CRADD: variants seen among roughly 807,000 people sequenced by gnomAD.
CRADD encodes CARD and death domain containing adaptor protein.
In CRADD, 9 loss-of-function variants were observed where a neutral mutation model predicts 15.5. That is an observed-to-expected ratio of 0.58 (90% CI 0.35 to 1.01). The LOEUF is 1.01. Ranked by LOEUF, CRADD falls within the 50% of genes least tolerant of loss-of-function variation. The pLI, the probability that CRADD is intolerant of heterozygous loss-of-function variation, is 0.02. For missense variants in CRADD, 227 were observed against 250.3 expected, an observed-to-expected ratio of 0.91 and a Z score of 0.63; for synonymous variants, 118 against 107.6, an observed-to-expected ratio of 1.10 and a Z score of -0.60.
downstream of CRADD, among the ~76,000 whole-genome samples, chr12:93,851,996 G>C (rs1320193744): frequency 1.3e-5 from 2 of 152,118 alleles, no homozygotes; most frequent in African/African-American, 4.8e-5. Flanking sequence ...AGTGAATTCG[G>C]TTCAAAAGGA....
At chr12:93,720,788 T>G (rs1194114100) in intron 2 of CRADD, among the ~76,000 whole-genome samples, 1 of 152,256 alleles carries the variant, frequency 6.6e-6, no homozygotes. Context: ...CATTTAAATC[T>G]ACATATGTCT....
intron 2 of CRADD, among the ~76,000 whole-genome samples, chr12:93,886,162 C>CTTTTTTTTTTTTTTTTTTTTT (rs761719331): frequency 8.1e-6 from 1 of 123,948 alleles, no homozygotes. Flanking sequence ...GCTGCTGATG[C>CTTTTTTTTTTTTTTTTTTTTT]TTTTTTTTTT....
At chr12:93,747,445 T>G (rs1456640092) in intron 2 of CRADD, among the ~76,000 whole-genome samples, 1 of 151,954 alleles carries the variant, frequency 6.6e-6, no homozygotes. Context: ...CTTTTTTTCC[T>G]TCCTCTTAAT....
At chr12:93,737,837 G>C (rs1257247745) in intron 2 of CRADD, 1 of 161,294 alleles carries the variant, frequency 6.2e-6, no homozygotes, top group Non-Finnish European at 1.3e-5. Context: ...AACCAGAGCA[G>C]GACTGCTGTG....
At chr12:93,842,657 G>T (rs188599512) in intron 2 of CRADD, among the ~76,000 whole-genome samples, 1 of 152,256 alleles carries the variant, frequency 6.6e-6, no homozygotes, top group Non-Finnish European at 1.5e-5. Context: ...GATTAGAGAG[G>T]AGATTTTTAG....
chr12:93,838,959 GA>G (rs1958016423), intron 2 of CRADD, among the ~76,000 whole-genome samples: 1 of 151,144 alleles, frequency 6.6e-6, no homozygotes, highest in Admixed American at 6.6e-5. Flanking sequence ...TTTTTGTAGA[GA>G]TGGAGTTTTG....
chr12:93,862,858 G>A (rs1958329009), intron 2 of CRADD, among the ~76,000 whole-genome samples: 1 of 152,164 alleles, frequency 6.6e-6, no homozygotes, highest in Non-Finnish European at 1.5e-5. Context: ...CTCAACCTTG[G>A]GGTGTAATGG....
At chr12:93,875,875 G>A (rs1958455152) in intron 2 of CRADD, among the ~76,000 whole-genome samples, 1 of 152,128 alleles carries the variant, frequency 6.6e-6, no homozygotes, top group Non-Finnish European at 1.5e-5. Context: ...AAAATAGTCT[G>A]TGTTTTTCTG....
intron 2 of CRADD, among the ~76,000 whole-genome samples, chr12:93,864,710 C>T (rs1958349358): frequency 6.6e-6 from 1 of 152,156 alleles, no homozygotes. Flanking sequence ...TAACGAAGGT[C>T]TCAGTGAATG....
At chr12:93,733,736 C>G (rs1345482949) in intron 2 of CRADD, 1 of 151,634 alleles carries the variant, frequency 6.6e-6, no homozygotes, top group Non-Finnish European at 1.5e-5. Context: ...ATTCATCCAT[C>G]CTTTGTTTTT....
intron 2 of CRADD, among the ~76,000 whole-genome samples, chr12:93,698,740 T>C (rs530662325): frequency 3.3e-5 from 5 of 152,222 alleles, no homozygotes; most frequent in Non-Finnish European, 7.3e-5. Flanking sequence ...ATTTATATCC[T>C]TCAGATGCTA....
At chr12:93,854,898 A>T (rs984111974), downstream of CRADD, among the ~76,000 whole-genome samples, 1 of 152,228 alleles carries the variant, frequency 6.6e-6, no homozygotes, top group East Asian at 1.9e-4. Context: ...AAAAACTTTT[A>T]AAAAATATTT....
chr12:93,734,561 T>G lies in CRADD; in HGVS notation c.298+55489T>G, dbSNP rs543751521. Among the ~76,000 whole-genome samples the G allele has an allele frequency of 2.0e-5, 3 of 152,316 alleles. No homozygotes were observed. In the East Asian group the frequency reaches 5.8e-4, roughly 29 times the overall value. On this transcript the variant is annotated intron_variant, in intron 2 of 2. Coordinates refer to ENST00000332896, the MANE Select transcript of CRADD (RefSeq NM_003805.5). ...GTAGCCAAGGGAATTTTAAAGAACA[T>G]TAAGTGCACTCAACTGAGCTGCTTT...
chr12:93,737,092 G>A (rs1171645133), intron 2 of CRADD, among the ~76,000 whole-genome samples: 2 of 152,168 alleles, frequency 1.3e-5, no homozygotes, highest in Non-Finnish European at 2.9e-5. Context: ...GTTGAGGGAA[G>A]GTGGCATAGG....
At chr12:93,890,725 G>A (rs1231172287) in intron 2 of CRADD, among the ~76,000 whole-genome samples, 1 of 150,856 alleles carries the variant, frequency 6.6e-6, no homozygotes, top group African/African-American at 2.4e-5. Context: ...CCAAACCAAT[G>A]TTTTCTTTTG....
intron 2 of CRADD, among the ~76,000 whole-genome samples, chr12:93,686,028 A>G (rs1467318871): frequency 1.3e-5 from 2 of 151,296 alleles, no homozygotes; most frequent in African/African-American, 2.4e-5. Context: ...GGTTGGGTGT[A>G]GTGGCTCATG....
chr12:93,716,275 C>T (rs1232906094), intron 2 of CRADD, among the ~76,000 whole-genome samples: 3 of 152,094 alleles, frequency 2.0e-5, no homozygotes, highest in Non-Finnish European at 2.9e-5. Flanking sequence ...TGAAGAATTG[C>T]TATATACTCC....
intron 2 of CRADD, among the ~76,000 whole-genome samples, chr12:93,731,646 A>G (rs1261992312): frequency 6.6e-6 from 1 of 152,252 alleles, no homozygotes; most frequent in Non-Finnish European, 1.5e-5. Flanking sequence ...CTTAATTACA[A>G]ATGAGGTTTT....
chr12:93,724,900 G>A (rs1035467814), intron 2 of CRADD, among the ~76,000 whole-genome samples: 1 of 151,746 alleles, frequency 6.6e-6, no homozygotes. Context: ...TCGCTCTGTT[G>A]CCCAGGCTGG....
Sources: allele counts gnomAD v4.1 joint callset (sites outside exome capture counted in the v4.1 genomes callset), GRCh38; gene constraint gnomAD v4.1.1; transcripts MANE v1.5; gene names NCBI Gene and HGNC (gene_info 2026-07-23, HGNC 2026-07-21).